The following CDH12 variants were observed in gnomAD, a reference collection of about 807,000 sequenced individuals.
CDH12 encodes cadherin 12.
A neutral mutation model predicts 74.1 loss-of-function variants in CDH12; 41 were observed. The ratio of observed to expected loss-of-function variants is 0.55; its 90% CI spans 0.43 to 0.72. The LOEUF (loss-of-function observed/expected upper bound fraction) is 0.72. Ranked by LOEUF, CDH12 falls within the 30% of genes least tolerant of loss-of-function variation. The pLI, the probability that CDH12 is intolerant of heterozygous loss-of-function variation, is 0.00. For synonymous variants in CDH12, 399 were observed against 355.0 expected (o/e 1.12, Z -1.39); for missense variants, 945 against 977.2 (o/e 0.97, Z 0.44).
rs114192735 is a variant in CDH12 at position 21,908,534 on chromosome 5, C to T, written c.527-53744G>A. Among the ~76,000 whole-genome samples the T allele has an allele frequency of 6.5e-3, 985 of 152,242 alleles. 3 individuals are homozygous for T. Among genetic ancestry groups the T allele is most frequent in the Non-Finnish European group, 0.01 (689 of 68,014 alleles). ...TATCTTTATTTTCTCCAGAAGCTCTCTCCAAGGCCTTTACAGACATAAAAA... is the reference window on the plus strand; with the variant it reads ...TATCTTTATTTTCTCCAGAAGCTCTTTCCAAGGCCTTTACAGACATAAAAA... On this transcript the variant is annotated intron_variant, in intron 6 of 14. Coordinates refer to ENST00000382254, the MANE Select transcript of CDH12 (RefSeq NM_004061.5).
intron 1 of CDH12, among the ~76,000 whole-genome samples, chr5:22,695,400 G>A (rs886442779): frequency 2.6e-5 from 4 of 151,992 alleles, no homozygotes; most frequent in Non-Finnish European, 5.9e-5. Context: ...TCTGATTCTA[G>A]ATCCTTGAGA....
intron 3 of CDH12, among the ~76,000 whole-genome samples, chr5:22,362,770 T>C (rs1381841628): frequency 6.6e-6 from 1 of 152,022 alleles, no homozygotes; most frequent in East Asian, 1.9e-4. Flanking sequence ...GATGAGTTCA[T>C]GTCCTTTGTA....
At chr5:22,773,545 C>A (rs1379684717) in intron 1 of CDH12, among the ~76,000 whole-genome samples, 1 of 151,966 alleles carries the variant, frequency 6.6e-6, no homozygotes, top group Non-Finnish European at 1.5e-5. Context: ...CTTTAAAAAC[C>A]CTTGAAGAAA....
chr5:22,068,965 C>T (rs1741750615), intron 5 of CDH12, among the ~76,000 whole-genome samples: 1 of 152,154 alleles, frequency 6.6e-6, no homozygotes, highest in Admixed American at 6.6e-5. Context: ...GCACCATTCC[C>T]CAAGGAAATT....
At chr5:22,046,413 C>T (rs1739953715) in intron 5 of CDH12, among the ~76,000 whole-genome samples, 1 of 148,020 alleles carries the variant, frequency 6.8e-6, no homozygotes, top group South Asian at 2.1e-4. Context: ...TTGAGAAAGT[C>T]ACTGGTCATT....
chr5:22,262,442 G>A (rs1011776066), intron 3 of CDH12, among the ~76,000 whole-genome samples: 3 of 151,742 alleles, frequency 2.0e-5, no homozygotes, highest in Non-Finnish European at 2.9e-5. Flanking sequence ...TACAAAGGAC[G>A]TGAACTCATT....
At chr5:22,791,284 G>T (rs1272012600) in intron 1 of CDH12, among the ~76,000 whole-genome samples, 1 of 152,108 alleles carries the variant, frequency 6.6e-6, no homozygotes, top group Non-Finnish European at 1.5e-5. Flanking sequence ...AAGAAAAATA[G>T]ATTGTAAGCC....
At position 22,055,283 on chromosome 5, in the gene CDH12, C is replaced by A. The variant is rs1039194925; in HGVS notation, c.231+23163G>T. 1.8e-4 allele frequency among the ~76,000 whole-genome samples: 28 copies of A among 152,132 alleles called. No individual in the cohort carries two copies. In the South Asian group the frequency reaches 2.7e-3, roughly 15 times the overall value. ...TGCAAGCCACCTGAGAAAGAACCAG[C>A]CATTCTGCTCACCTGGCATACAGGG... On this transcript the variant is annotated intron_variant, in intron 5 of 14. Transcript: ENST00000382254.
At chr5:21,995,081 C>G (rs1736201573) in intron 5 of CDH12, among the ~76,000 whole-genome samples, 1 of 152,010 alleles carries the variant, frequency 6.6e-6, no homozygotes, top group South Asian at 2.1e-4. Flanking sequence ...AGACCAGGAA[C>G]CCACCAGAAG....
intron 10 of CDH12, among the ~76,000 whole-genome samples, chr5:21,785,066 A>G (rs1400498569): frequency 7.0e-6 from 1 of 141,978 alleles, no homozygotes; most frequent in African/African-American, 2.6e-5. Flanking sequence ...GGTAATTATT[A>G]TATTTCAAAC....
intron 6 of CDH12, among the ~76,000 whole-genome samples, chr5:21,884,852 G>T (rs560328604): frequency 6.6e-6 from 1 of 152,230 alleles, no homozygotes; most frequent in East Asian, 1.9e-4. Context: ...ACTGTATGGG[G>T]TAATAACTTA....
At chr5:22,570,880 C>G (rs1008202075) in intron 1 of CDH12, among the ~76,000 whole-genome samples, 1 of 152,178 alleles carries the variant, frequency 6.6e-6, no homozygotes, top group African/African-American at 2.4e-5. Context: ...AGTGTAGCCA[C>G]CTTCATCAAT....
chr5:22,514,992 A>G (rs1380781848), intron 1 of CDH12, among the ~76,000 whole-genome samples: 2 of 152,180 alleles, frequency 1.3e-5, no homozygotes, highest in Admixed American at 1.3e-4. Context: ...TTTCTGAACA[A>G]TGTTTAAATA....
At chr5:22,310,132 C>T (rs1403408723) in intron 3 of CDH12, among the ~76,000 whole-genome samples, 1 of 151,704 alleles carries the variant, frequency 6.6e-6, no homozygotes, top group African/African-American at 2.4e-5. Flanking sequence ...ACATGTACCC[C>T]GGAACTTAAA....
In CDH12 at chr5:22,831,917, C is replaced by A. The variant is rs191197436; in HGVS notation, c.-523+21141G>T. On this transcript the variant is annotated intron_variant, in intron 1 of 14. Transcript: ENST00000382254. ...GTCCCCCCCAAAAAAAAAATTAAAT[C>A]CACATAAAATAATAGTAAATAGAAA... Among the ~76,000 whole-genome samples, 605 of 151,928 alleles carry A rather than the reference C, an allele frequency of 4.0e-3. 3 individuals carry two copies. The highest frequency in any genetic ancestry group is 6.1e-3 in the Non-Finnish European group (414 of 67,948).
intron 1 of CDH12, among the ~76,000 whole-genome samples, chr5:22,645,796 G>A (rs558260920): frequency 4.5e-4 from 68 of 152,050 alleles, no homozygotes; most frequent in African/African-American, 1.6e-3. Context: ...TCAACAATGA[G>A]TCAAGAACCT....
chr5:22,336,582 G>A (rs1429037093), intron 3 of CDH12, among the ~76,000 whole-genome samples: 4 of 152,304 alleles, frequency 2.6e-5, no homozygotes, highest in African/African-American at 9.6e-5. Flanking sequence ...GTACAGCTTG[G>A]GCCATGGCTT....
chr5:22,111,684 TG>T (rs1744825164), intron 4 of CDH12, among the ~76,000 whole-genome samples: 1 of 152,196 alleles, frequency 6.6e-6, no homozygotes, highest in Admixed American at 6.5e-5. Flanking sequence ...AAGTCATTTT[TG>T]TTAATACACA....
chr5:22,151,972 G>A (rs1747614606), intron 4 of CDH12: 1 of 152,088 alleles, frequency 6.6e-6, no homozygotes, highest in Admixed American at 6.6e-5. Flanking sequence ...CACGTTATCA[G>A]TGCAGTTCCG....
Sources: gnomAD v4.1 joint callset for allele counts (sites outside exome capture counted in the v4.1 genomes callset) on GRCh38, gnomAD v4.1.1 for gene constraint, MANE v1.5 for transcripts, NCBI Gene and HGNC (gene_info 2026-07-23, HGNC 2026-07-21) for gene names.